Variants in TBCD observed in about 807,000 individuals in gnomAD.
TBCD encodes tubulin-specific chaperone D.
TBCD carries 105 observed loss-of-function variants against 169.3 expected under a neutral mutation model. That is an observed-to-expected ratio of 0.62 (90% CI 0.53 to 0.73). The LOEUF is 0.73. TBCD is among the 30% of genes least tolerant of loss of function. The pLI is 0.00. For missense variants in TBCD, 1,444 were observed against 1,600.1 expected (o/e 0.90, Z 1.66); for synonymous variants, 700 against 643.9 (o/e 1.09, Z -1.32).
chr17:82,860,418 G>A (rs1486443146), intron 13 of TBCD: 7 of 985,408 alleles, frequency 7.1e-6, no homozygotes, highest in Admixed American at 6.1e-5. Flanking sequence ...AGCGGACAGC[G>A]AGGGGGACAG....
In TBCD at chr17:82,860,423, GGACA is replaced by G. The variant is rs202239779; in HGVS notation, c.1319-9796_1319-9793del. On this transcript the variant is annotated intron_variant, in intron 13 of 38. Coordinates refer to ENST00000355528, the MANE Select transcript of TBCD (RefSeq NM_005993.5). ...GGTGGCAGTGAGCGGACAGCGAGGGGGACAGACACAGGTGGAAGGAACCACGGTG... is the reference window on the plus strand; with the variant it reads ...GGTGGCAGTGAGCGGACAGCGAGGGGGACACAGGTGGAAGGAACCACGGTG... 3.1e-4 allele frequency: 304 copies of G among 985,518 alleles called. 5 individuals are homozygous for G. The East Asian group carries it at 0.021, about 68-fold the overall frequency. The allele number at this position is 985,518 out of a possible 1,614,324, so 61.0% of individuals were successfully genotyped here. A position where few individuals can be genotyped will look rare whatever the true frequency, so the allele number is the denominator to read the frequency against.
Position 82,920,506 on chromosome 17 carries a change from C to A in TBCD, c.2039-50C>A. 1.3e-6 allele frequency: 2 copies of A among 1,483,512 alleles called. No homozygotes were observed. Among genetic ancestry groups the A allele is most frequent in the South Asian group, 1.2e-5 (1 of 80,372 alleles). 91.9% of individuals were successfully genotyped at this position (1,483,512 alleles called of 1,614,324 possible). ...GGCAAAGGCAAGCCGCTGTGGCAGG[C>A]GCTTTTAGAAAAGTAACATTGCGTC... On this transcript the variant is annotated intron_variant, in intron 23 of 38. Transcript: ENST00000355528. The surrounding 1 kb of genome is among the most constrained non-coding windows in gnomAD (Gnocchi z 4.1).
At chr17:82,897,724 CT>C (rs1266788464) in intron 17 of TBCD, among the ~76,000 whole-genome samples, 1 of 152,206 alleles carries the variant, frequency 6.6e-6, no homozygotes, top group East Asian at 1.9e-4. Context: ...CCTCCTGTCG[CT>C]GGGGCTCCCC....
In TBCD at chr17:82,923,986, G is replaced by A. The variant is rs1458114691; in HGVS notation, c.2260+253G>A. On this transcript the variant is annotated intron_variant, in intron 26 of 38. Transcript: ENST00000355528. The surrounding 1 kb of genome is among the most constrained non-coding windows in gnomAD (Gnocchi z 4.6). ...GCGTCTCTGTTGACGGCACCCTCTT[G>A]CTCCATCACCCAGGCTGGAGTGGTG... 6.6e-6 allele frequency among the ~76,000 whole-genome samples: 1 copy of A among 152,172 alleles called. No individual in the cohort carries two copies. The highest frequency in any genetic ancestry group is 1.9e-4 in the East Asian group (1 of 5,198).
At chr17:82,837,122 A>G (rs968430631) in intron 13 of TBCD, among the ~76,000 whole-genome samples, 1 of 152,234 alleles carries the variant, frequency 6.6e-6, no homozygotes, top group African/African-American at 2.4e-5. Context: ...TAAAACTACA[A>G]TAGTGTCAGA....
chr17:82,885,457 A>G (rs1599214747), intron 15 of TBCD, among the ~76,000 whole-genome samples: 1 of 152,184 alleles, frequency 6.6e-6, no homozygotes, highest in East Asian at 1.9e-4. Flanking sequence ...TTAAAACTAG[A>G]GAGAATTCAC....
intron 38 of TBCD, chr17:82,941,776 C>G (rs2147659197): frequency 6.6e-6 from 3 of 454,726 alleles, no homozygotes; most frequent in Non-Finnish European, 1.2e-5. Flanking sequence ...GCCCTGGGGT[C>G]TGTTTGTGCT....
intron 16 of TBCD, among the ~76,000 whole-genome samples, chr17:82,891,923 G>A (rs1325519393): frequency 1.3e-5 from 2 of 152,140 alleles, no homozygotes; most frequent in Non-Finnish European, 2.9e-5. Context: ...TCCACGTTCA[G>A]GGCCTGTCCG....
At chr17:82,799,927 C>T (rs940934163) in intron 8 of TBCD, among the ~76,000 whole-genome samples, 5 of 152,194 alleles carry the variant, frequency 3.3e-5, no homozygotes, top group African/African-American at 7.2e-5. Flanking sequence ...CCCGAGGTCA[C>T]GGCACCCACA....
chr17:82,774,467 A>G (rs1038996080), intron 6 of TBCD, among the ~76,000 whole-genome samples: 41 of 152,346 alleles, frequency 2.7e-4, no homozygotes, highest in African/African-American at 8.4e-4. Flanking sequence ...CAGACACAGT[A>G]ACAAACTGAT....
chr17:82,820,883 C>G (rs2072504165), intron 13 of TBCD, among the ~76,000 whole-genome samples: 1 of 151,186 alleles, frequency 6.6e-6, no homozygotes, highest in Non-Finnish European at 1.5e-5. Context: ...TGATGGTGCC[C>G]TATGAGTCTC....
intron 13 of TBCD, chr17:82,830,873 T>A (rs759219758): frequency 1.4e-5 from 23 of 1,612,326 alleles, no homozygotes; most frequent in Non-Finnish European, 1.9e-5. Flanking sequence ...TTCACAACAT[T>A]GAGGCTAGAA....
At position 82,832,108 on chromosome 17, in the gene TBCD, T is replaced by A; in HGVS notation, c.1318+17174T>A. On this transcript the variant is annotated intron_variant, in intron 13 of 38. Coordinates refer to ENST00000355528, the MANE Select transcript of TBCD (RefSeq NM_005993.5). The surrounding 1 kb of genome is among the most constrained non-coding windows in gnomAD (Gnocchi z 4.9). ...CCTGTGGGTTCCCCGGGCTTGCAGC[T>A]CCAGGTTTTCCTTGATGTCTTCCCT... The A allele has an allele frequency of 6.2e-7, 1 of 1,614,210 alleles. No homozygotes were observed. Among genetic ancestry groups the A allele is most frequent in the Non-Finnish European group, 8.5e-7 (1 of 1,180,028 alleles).
chr17:82,940,894 C>T (rs915436655), intron 37 of TBCD, among the ~76,000 whole-genome samples: 9 of 152,124 alleles, frequency 5.9e-5, no homozygotes, highest in Non-Finnish European at 1.2e-4. Flanking sequence ...TTCCTCACAT[C>T]AGGGAGGGAG....
chr17:82,814,389 C>T (rs901392461), intron 12 of TBCD, among the ~76,000 whole-genome samples: 4 of 152,212 alleles, frequency 2.6e-5, no homozygotes, highest in Non-Finnish European at 5.9e-5. Context: ...ACAGACGGGA[C>T]GGTCTCTTTG....
intron 23 of TBCD, among the ~76,000 whole-genome samples, chr17:82,912,765 G>A (rs1007937825): frequency 2.8e-4 from 43 of 152,378 alleles, no homozygotes; most frequent in Admixed American, 2.6e-3. Flanking sequence ...TGACCTGATA[G>A]GGACCTGCCC....
chr17:82,868,356 C>T (rs2057326879), intron 13 of TBCD, among the ~76,000 whole-genome samples: 2 of 152,104 alleles, frequency 1.3e-5, no homozygotes, highest in African/African-American at 4.8e-5. Flanking sequence ...GCTGGGGAGA[C>T]CTTGGTGTCT....
chr17:82,888,930 T>G (rs2058942920), intron 15 of TBCD, among the ~76,000 whole-genome samples: 1 of 152,040 alleles, frequency 6.6e-6, no homozygotes, highest in Non-Finnish European at 1.5e-5. Flanking sequence ...TGGGTGCACT[T>G]TGCTGGGTCT....
At chr17:82,941,368 G>A (rs769749094) in intron 37 of TBCD, 31 bp from the exon 38 acceptor site, 54 of 1,554,840 alleles carry the variant, frequency 3.5e-5, no homozygotes, top group South Asian at 2.0e-4. Flanking sequence ...GTGGGCACTC[G>A]AGAGACTCAC....
Sources: allele counts gnomAD v4.1 joint callset (sites outside exome capture counted in the v4.1 genomes callset), GRCh38; gene constraint gnomAD v4.1.1; non-coding constraint Gnocchi (gnomAD v3.1); transcripts MANE v1.5; gene names NCBI Gene and HGNC (gene_info 2026-07-23, HGNC 2026-07-21).